ADCY2: variants seen among roughly 807,000 people sequenced by gnomAD.
The protein encoded by ADCY2 is adenylate cyclase 2, also known as adenylate cyclase type 2.
In ADCY2, 31 loss-of-function variants were observed where a neutral mutation model predicts 125.2. The ratio of observed to expected loss-of-function variants is 0.25; its 90% CI spans 0.19 to 0.33. The LOEUF (loss-of-function observed/expected upper bound fraction) is 0.33. ADCY2 is among the 10% of genes least tolerant of loss of function. ADCY2 has a pLI of 1.00. For synonymous variants in ADCY2, 512 were observed against 548.4 expected, an observed-to-expected ratio of 0.93 and a Z score of 0.93; for missense variants, 904 against 1,418.2, an observed-to-expected ratio of 0.64 and a Z score of 5.82.
chr5:7,484,553 A>G (rs142276266), intron 2 of ADCY2, among the ~76,000 whole-genome samples: 3 of 152,238 alleles, frequency 2.0e-5, no homozygotes, highest in Non-Finnish European at 4.4e-5. Flanking sequence ...CTCTTTGTCT[A>G]TTCTCATTCC....
intron 7 of ADCY2, among the ~76,000 whole-genome samples, chr5:7,699,607 G>C (rs187247084): frequency 3.8e-4 from 58 of 152,178 alleles, no homozygotes; most frequent in Admixed American, 2.0e-3. Context: ...TTGCTTTTGA[G>C]ATAAGGTCAT....
chr5:7,766,626 C>T, intron 16 of ADCY2, 61 bp from the exon 17 acceptor site: 1 of 1,566,888 alleles, frequency 6.4e-7, no homozygotes, highest in South Asian at 1.2e-5. Context: ...AGTTAGCACC[C>T]ACCTGCTAGT....
chr5:7,409,408 T>A (rs868613712), intron 1 of ADCY2, among the ~76,000 whole-genome samples: 25 of 152,238 alleles, frequency 1.6e-4, no homozygotes, highest in African/African-American at 6.0e-4. Flanking sequence ...AAAATAAAAT[T>A]CACATTATGT....
At chr5:7,611,231 A>T (rs953426699) in intron 3 of ADCY2, 1 of 152,212 alleles carries the variant, frequency 6.6e-6, no homozygotes, top group Non-Finnish European at 1.5e-5. Flanking sequence ...TAGCCTTATT[A>T]AATCATAAGA....
At chr5:7,527,525 G>A (rs1271466002) in intron 3 of ADCY2, among the ~76,000 whole-genome samples, 1 of 152,156 alleles carries the variant, frequency 6.6e-6, no homozygotes, top group African/African-American at 2.4e-5. Context: ...TCCCTTGAGA[G>A]GGAGGATAAT....
intron 3 of ADCY2, among the ~76,000 whole-genome samples, chr5:7,559,598 A>G (rs965681109): frequency 1.4e-4 from 22 of 152,120 alleles, no homozygotes; most frequent in African/African-American, 4.8e-4. Context: ...GGTTTCCTAG[A>G]TATACGATCA....
At position 7,717,165 on chromosome 5, in the gene ADCY2, C is replaced by A; in HGVS notation, c.1631C>A (p.Ser544Ter). 1 of 1,607,414 alleles carries A rather than the reference C, an allele frequency of 6.2e-7. No homozygotes were observed. Residue 544 changes from serine (S) to a stop codon, truncating the protein, a stop_gained, in exon 12 of 25, where the codon TCA (serine) becomes TAA (stop). Transcript: ENST00000338316. LOFTEE classifies it high-confidence loss of function. ...TTCCATTTTTCATATAGAACCAAGT[C>A]ACAAAAGAAGAGATTTGAAGAAGAA... is the stretch of plus-strand genomic sequence containing the variant. ...NFQNRTLRTK[S>*]QKKRFEEELN... is the part of the protein sequence containing the mutation.
chr5:7,747,473 C>T (rs1228225666), intron 15 of ADCY2, among the ~76,000 whole-genome samples: 1 of 152,124 alleles, frequency 6.6e-6, no homozygotes, highest in Non-Finnish European at 1.5e-5. Flanking sequence ...TTTCTCAAGC[C>T]GAGTTAGGTG....
At chr5:7,482,690 T>A (rs1215373843) in intron 2 of ADCY2, among the ~76,000 whole-genome samples, 1 of 151,182 alleles carries the variant, frequency 6.6e-6, no homozygotes, top group Non-Finnish European at 1.5e-5. Flanking sequence ...TGATGTTTAT[T>A]GTAGCACTAT....
chr5:7,694,054 TGGA>T (rs1740809097), intron 5 of ADCY2, among the ~76,000 whole-genome samples: 1 of 152,068 alleles, frequency 6.6e-6, no homozygotes, highest in South Asian at 2.1e-4. Context: ...CTGAACAGAG[TGGA>T]GGGTAAAGCT....
chr5:7,612,822 A>G (rs1428500345), intron 3 of ADCY2, among the ~76,000 whole-genome samples: 1 of 152,072 alleles, frequency 6.6e-6, no homozygotes, highest in East Asian at 1.9e-4. Flanking sequence ...CGAGACCATC[A>G]TGGCTAACAC....
intron 2 of ADCY2, among the ~76,000 whole-genome samples, chr5:7,476,003 C>A (rs529742375): frequency 1.6e-4 from 24 of 152,192 alleles, no homozygotes; most frequent in African/African-American, 5.5e-4. Context: ...AGTTTTTCAA[C>A]CCGTTGGTAT....
intron 2 of ADCY2, among the ~76,000 whole-genome samples, chr5:7,447,807 G>C (rs887744175): frequency 1.3e-5 from 2 of 152,184 alleles, no homozygotes; most frequent in Non-Finnish European, 2.9e-5. Flanking sequence ...CTCACAGTTG[G>C]TTTAACGGGG....
At chr5:7,415,197 C>G (rs545972389) in intron 2 of ADCY2, among the ~76,000 whole-genome samples, 114 of 152,274 alleles carry the variant, frequency 7.5e-4, no homozygotes, top group African/African-American at 2.7e-3. Flanking sequence ...TAACTATGGT[C>G]AGCATGTTAT....
intron 4 of ADCY2, among the ~76,000 whole-genome samples, chr5:7,662,762 C>T (rs1200195452): frequency 6.6e-6 from 1 of 152,128 alleles, no homozygotes. Context: ...TGTCAGCCTG[C>T]GTAAAGAATC....
At chr5:7,741,585 T>TCACAATCTCAATCAGC (rs1742409261) in intron 14 of ADCY2, among the ~76,000 whole-genome samples, 1 of 14,948 alleles carries the variant, frequency 6.7e-5, no homozygotes. Context: ...TCACCATCCC[T>TCACAATCTCAATCAGC]ATCACCATCA....
At chr5:7,405,858 C>A (rs151289750) in intron 1 of ADCY2, among the ~76,000 whole-genome samples, 43 of 152,144 alleles carry the variant, frequency 2.8e-4, no homozygotes, top group African/African-American at 9.9e-4. Flanking sequence ...TAGTTTATTC[C>A]CATTTATTTA....
chr5:7,608,432 C>A (rs941397094), intron 3 of ADCY2, among the ~76,000 whole-genome samples: 1 of 151,902 alleles, frequency 6.6e-6, no homozygotes, highest in African/African-American at 2.4e-5. Flanking sequence ...AAAAGTTAGC[C>A]GGGCGTGGTG....
intron 2 of ADCY2, among the ~76,000 whole-genome samples, chr5:7,514,096 A>G (rs1744172231): frequency 6.6e-6 from 1 of 152,172 alleles, no homozygotes; most frequent in South Asian, 2.1e-4. Flanking sequence ...GTTGAGTGTC[A>G]TTTGAAAGAT....
Sources: gnomAD v4.1 joint callset for allele counts (sites outside exome capture counted in the v4.1 genomes callset) on GRCh38, gnomAD v4.1.1 for gene constraint, MANE v1.5 for transcripts, NCBI Gene and HGNC (gene_info 2026-07-23, HGNC 2026-07-21) for gene names.